Variants in FGGY observed in about 807,000 individuals in gnomAD.
FGGY encodes the protein FGGY carbohydrate kinase domain-containing protein.
Under a neutral mutation model 71.3 loss-of-function variants are expected in FGGY, and 72 were observed. The observed-to-expected ratio is 1.01, with a 90% CI of 0.84 to 1.23. FGGY has a LOEUF of 1.23. FGGY is among the 50% of genes most tolerant of loss of function. The pLI is 0.00. For synonymous variants in FGGY, 251 were observed against 250.3 expected, an observed-to-expected ratio of 1.00 and a Z score of -0.02; for missense variants, 668 against 682.3, an observed-to-expected ratio of 0.98 and a Z score of 0.23.
chr1:59,359,994 G>A (rs775346898), intron 4 of FGGY, among the ~76,000 whole-genome samples: 1 of 151,936 alleles, frequency 6.6e-6, no homozygotes, highest in Admixed American at 6.6e-5. Context: ...TCTCAGTAAC[G>A]CCACATGTGT....
intron 2 of FGGY, among the ~76,000 whole-genome samples, chr1:59,323,780 T>C (rs926810493): frequency 6.6e-6 from 1 of 152,222 alleles, no homozygotes; most frequent in African/African-American, 2.4e-5. Flanking sequence ...TTAATGCACA[T>C]AGGATGTCAT....
chr1:59,418,234 G>A (rs1034821848), intron 5 of FGGY, among the ~76,000 whole-genome samples: 6 of 152,150 alleles, frequency 3.9e-5, no homozygotes, highest in African/African-American at 9.7e-5. Context: ...CTTGGCAGAT[G>A]TCTTTTGCAA....
intron 7 of FGGY, among the ~76,000 whole-genome samples, chr1:59,549,481 A>G (rs1322608569): frequency 1.3e-5 from 2 of 152,238 alleles, no homozygotes; most frequent in Non-Finnish European, 2.9e-5. Context: ...AAGTTACTAA[A>G]TAAACTCGAC....
At chr1:59,409,598 T>TTATATATATATATATATA (rs202016801) in intron 5 of FGGY, among the ~76,000 whole-genome samples, 4 of 105,746 alleles carry the variant, frequency 3.8e-5, no homozygotes, top group African/African-American at 1.2e-4. Context: ...GAAGAGTTTT[T>TTATATATATATATATATA]TATATATATA....
At chr1:59,556,925 G>A (rs1460668063) in intron 8 of FGGY, among the ~76,000 whole-genome samples, 2 of 152,170 alleles carry the variant, frequency 1.3e-5, no homozygotes, top group Non-Finnish European at 2.9e-5. Flanking sequence ...TGGCTGTGTT[G>A]TGCTGGAAAT....
chr1:59,420,030 A>T (rs1431891167), intron 5 of FGGY, among the ~76,000 whole-genome samples: 1 of 152,242 alleles, frequency 6.6e-6, no homozygotes, highest in East Asian at 1.9e-4. Context: ...TCATTCTGTG[A>T]CGATGCTCTT....
chr1:59,580,490 G>C (rs897125860), intron 8 of FGGY, among the ~76,000 whole-genome samples: 1 of 152,100 alleles, frequency 6.6e-6, no homozygotes, highest in Non-Finnish European at 1.5e-5. Flanking sequence ...GCGTGAGTCA[G>C]ATTTAATTCC....
chr1:59,492,351 T>G (rs1438453329), intron 6 of FGGY, among the ~76,000 whole-genome samples: 1 of 152,172 alleles, frequency 6.6e-6, no homozygotes, highest in African/African-American at 2.4e-5. Flanking sequence ...AAAAGATGAC[T>G]GGGAACTCTA....
intron 1 of FGGY, among the ~76,000 whole-genome samples, chr1:59,307,634 A>G (rs888647150): frequency 6.6e-6 from 1 of 152,238 alleles, no homozygotes; most frequent in Non-Finnish European, 1.5e-5. Flanking sequence ...GTAAATGTTC[A>G]TAAGAAATTT....
chr1:59,370,894 C>A (rs1303441873), intron 4 of FGGY, among the ~76,000 whole-genome samples: 1 of 152,080 alleles, frequency 6.6e-6, no homozygotes, highest in Non-Finnish European at 1.5e-5. Flanking sequence ...CCTAAAATAG[C>A]TCCTGAAGGA....
chr1:59,534,460 A>G (rs2095256405), intron 7 of FGGY, among the ~76,000 whole-genome samples: 1 of 152,060 alleles, frequency 6.6e-6, no homozygotes, highest in Non-Finnish European at 1.5e-5. Context: ...GCCAACATTC[A>G]GATTCAGGAA....
intron 8 of FGGY, among the ~76,000 whole-genome samples, chr1:59,602,758 CTT>C (rs2096589895): frequency 1.3e-5 from 2 of 152,186 alleles, no homozygotes; most frequent in Non-Finnish European, 1.5e-5. Flanking sequence ...AATGCTCACT[CTT>C]TTCCCAGGCA....
intron 7 of FGGY, among the ~76,000 whole-genome samples, chr1:59,547,916 C>T (rs1168089123): frequency 6.6e-6 from 1 of 152,190 alleles, no homozygotes; most frequent in Non-Finnish European, 1.5e-5. Context: ...TTCATTCATT[C>T]ATCAACAATA....
chr1:59,463,688 A>C (rs927647736), intron 6 of FGGY, among the ~76,000 whole-genome samples: 2 of 151,766 alleles, frequency 1.3e-5, no homozygotes, highest in African/African-American at 4.8e-5. Flanking sequence ...AAATGGAAAA[A>C]AAAAAAAAAA....
At chr1:59,357,818 T>A (rs1214061130) in intron 4 of FGGY, among the ~76,000 whole-genome samples, 1 of 152,228 alleles carries the variant, frequency 6.6e-6, no homozygotes, top group Non-Finnish European at 1.5e-5. Context: ...GTGACTGTAG[T>A]GCTGAAGACC....
intron 4 of FGGY, among the ~76,000 whole-genome samples, chr1:59,374,385 T>A (rs1437249523): frequency 3.9e-5 from 6 of 152,282 alleles, no homozygotes; most frequent in African/African-American, 7.2e-5. Context: ...AATGGTGATC[T>A]TTAAAAAGTC....
rs150590803 is a variant in FGGY, at chr1:59,425,149, T to C, written c.555-31812T>C. On this transcript the variant is annotated intron_variant, in intron 5 of 15. Coordinates refer to ENST00000303721, the MANE Select transcript of FGGY (RefSeq NM_018291.5). ...TATATAAAGCATGTAGCATAATGCCTAGCGTACATTAGGCTCTCAATAAAT... is the reference window on the plus strand; with the variant it reads ...TATATAAAGCATGTAGCATAATGCCCAGCGTACATTAGGCTCTCAATAAAT... 2.4e-4 allele frequency among the ~76,000 whole-genome samples: 37 copies of C among 152,320 alleles called. 1 individual carries two copies. The East Asian group carries it at 6.6e-3, about 27-fold the overall frequency.
chr1:59,557,382 G>A (rs983945447), intron 8 of FGGY, among the ~76,000 whole-genome samples: 2 of 152,116 alleles, frequency 1.3e-5, no homozygotes, highest in African/African-American at 2.4e-5. Context: ...GATCCAGGTT[G>A]CCTCTTTCTA....
At chr1:59,565,313 G>T (rs997223433) in intron 8 of FGGY, among the ~76,000 whole-genome samples, 3 of 151,828 alleles carry the variant, frequency 2.0e-5, no homozygotes, top group South Asian at 2.1e-4. Flanking sequence ...ACAGAGTCTT[G>T]TCGCACTCTT....
Sources: gnomAD v4.1 joint callset for allele counts (sites outside exome capture counted in the v4.1 genomes callset) on GRCh38, gnomAD v4.1.1 for gene constraint, MANE v1.5 for transcripts, NCBI Gene and HGNC (gene_info 2026-07-23, HGNC 2026-07-21) for gene names.